The following NRXN1 variants were observed in gnomAD, a reference collection of about 807,000 sequenced individuals.
The protein encoded by NRXN1 is neurexin-1.
NRXN1 carries 39 observed loss-of-function variants against 150.9 expected under a neutral mutation model. That is an observed-to-expected ratio of 0.26 (90% CI 0.20 to 0.34). The LOEUF (loss-of-function observed/expected upper bound fraction) is 0.34, where lower values mean the gene tolerates loss of function less well. Ranked by LOEUF, NRXN1 falls within the 10% of genes least tolerant of loss-of-function variation. The pLI, the probability that NRXN1 is intolerant of heterozygous loss-of-function variation, is 1.00. For synonymous variants in NRXN1, 924 were observed against 757.0 expected, an observed-to-expected ratio of 1.22 and a Z score of -3.62; for missense variants, 1,815 against 1,949.9, an observed-to-expected ratio of 0.93 and a Z score of 1.30.
At chr2:50,641,213 G>A (rs562476301) in intron 5 of NRXN1, among the ~76,000 whole-genome samples, 20 of 152,198 alleles carry the variant, frequency 1.3e-4, no homozygotes, top group African/African-American at 4.6e-4. Context: ...GCCAAATGTT[G>A]ACTAAAAGCC....
chr2:50,123,779 A>T (rs1183409377), intron 18 of NRXN1, among the ~76,000 whole-genome samples: 1 of 152,182 alleles, frequency 6.6e-6, no homozygotes, highest in African/African-American at 2.4e-5. Context: ...CTTGAACTCA[A>T]GATGATTTCA....
At chr2:50,620,223 G>C (rs764621842) in intron 7 of NRXN1, 40 bp from the exon 8 acceptor site, 2 of 1,595,372 alleles carry the variant, frequency 1.3e-6, no homozygotes, top group South Asian at 2.2e-5. Flanking sequence ...GCTATACTCA[G>C]ACCTAGATAC....
chr2:50,102,067 C>T (rs1211529741), intron 18 of NRXN1, among the ~76,000 whole-genome samples: 3 of 151,940 alleles, frequency 2.0e-5, no homozygotes, highest in Non-Finnish European at 4.4e-5. Context: ...AAAGAATCAG[C>T]AAAACTCTGT....
chr2:50,823,980 C>G (rs1374948248), intron 5 of NRXN1, among the ~76,000 whole-genome samples: 1 of 152,098 alleles, frequency 6.6e-6, no homozygotes, highest in African/African-American at 2.4e-5. Flanking sequence ...TCTCTTATCC[C>G]CAACAATGCC....
At chr2:50,703,163 T>G (rs1693988247) in intron 5 of NRXN1, among the ~76,000 whole-genome samples, 1 of 152,062 alleles carries the variant, frequency 6.6e-6, no homozygotes, top group Admixed American at 6.6e-5. Context: ...AAGCTAGATC[T>G]TCCTAAGGAC....
At chr2:50,628,686 G>C (rs1204199633) in intron 5 of NRXN1, among the ~76,000 whole-genome samples, 2 of 151,610 alleles carry the variant, frequency 1.3e-5, no homozygotes, top group East Asian at 3.9e-4. Context: ...TTAAATACAA[G>C]TCCCAAATAA....
At chr2:50,612,951 G>T (rs927869714) in intron 8 of NRXN1, among the ~76,000 whole-genome samples, 1 of 152,148 alleles carries the variant, frequency 6.6e-6, no homozygotes, top group African/African-American at 2.4e-5. Flanking sequence ...TTTAAGTACT[G>T]ACACTATTAC....
intron 2 of NRXN1, among the ~76,000 whole-genome samples, chr2:51,017,139 G>A (rs945996113): frequency 1.4e-4 from 21 of 151,916 alleles, no homozygotes; most frequent in Non-Finnish European, 2.6e-4. Context: ...ATCATTAGGA[G>A]AAATACCTAA....
At chr2:50,803,798 T>C (rs1667139637) in intron 5 of NRXN1, among the ~76,000 whole-genome samples, 1 of 152,140 alleles carries the variant, frequency 6.6e-6, no homozygotes, top group Admixed American at 6.5e-5. Context: ...GCAATTTCTT[T>C]TCTATGCTTA....
chr2:50,066,863 T>C (rs1395809914), intron 19 of NRXN1, among the ~76,000 whole-genome samples: 2 of 152,206 alleles, frequency 1.3e-5, no homozygotes, highest in Non-Finnish European at 2.9e-5. Flanking sequence ...ACTGCATGTA[T>C]GCACATTTCA....
At chr2:50,216,103 C>T (rs961365791) in intron 18 of NRXN1, among the ~76,000 whole-genome samples, 15 of 152,074 alleles carry the variant, frequency 9.9e-5, no homozygotes. Flanking sequence ...TGTCTGTAAT[C>T]CTAACACTTA....
intron 17 of NRXN1, among the ~76,000 whole-genome samples, chr2:50,269,566 A>G (rs2069310377): frequency 6.6e-6 from 1 of 152,224 alleles, no homozygotes; most frequent in Admixed American, 6.5e-5. Flanking sequence ...CATATCTCCA[A>G]TATTGTCATG....
Position 50,347,812 on chromosome 2 carries a change from T to G in NRXN1, c.3365-110842A>C, listed in dbSNP as rs1402432797. On this transcript the variant is annotated intron_variant, in intron 17 of 22. Transcript: ENST00000401669. This position sits in a 1 kb window ranked among gnomAD's most constrained non-coding sequence, Gnocchi z 4.9. ...AGGGGCTCTATGCAAATCTGCAGTC[T>G]CCAAACAGCAAATCACTGAAGCTCG... is the stretch of plus-strand genomic sequence containing the variant. 3 of 985,488 alleles carry G rather than the reference T, an allele frequency of 3.0e-6. No homozygotes were observed. 61.0% of individuals were successfully genotyped at this position (985,488 alleles called of 1,614,324 possible).
chr2:50,433,974 T>G (rs537069417), intron 17 of NRXN1, among the ~76,000 whole-genome samples: 6 of 151,674 alleles, frequency 4.0e-5, no homozygotes, highest in Admixed American at 6.6e-5. Context: ...TATGTTTCAC[T>G]TAGGTTCTGA....
At chr2:49,983,903 G>A (rs1000601864) in intron 21 of NRXN1, among the ~76,000 whole-genome samples, 28 of 152,136 alleles carry the variant, frequency 1.8e-4, no homozygotes, top group African/African-American at 6.5e-4. Flanking sequence ...TGGACACTGT[G>A]GCTCCTTCCT....
intron 2 of NRXN1, among the ~76,000 whole-genome samples, chr2:50,954,134 A>G (rs1404652036): frequency 1.3e-5 from 2 of 152,212 alleles, no homozygotes; most frequent in Non-Finnish European, 2.9e-5. Context: ...TCTGAGTAGA[A>G]ATAATACATA....
At chr2:50,541,711 CCACA>C (rs1281812443) in intron 9 of NRXN1, among the ~76,000 whole-genome samples, 1 of 151,072 alleles carries the variant, frequency 6.6e-6, no homozygotes, top group Non-Finnish European at 1.5e-5. Context: ...CCACCCACAC[CCACA>C]CACACACTCT....
At chr2:50,437,683 A>C (rs2085561518) in intron 17 of NRXN1, among the ~76,000 whole-genome samples, 1 of 150,896 alleles carries the variant, frequency 6.6e-6, no homozygotes, top group Non-Finnish European at 1.5e-5. Flanking sequence ...TAACTACTTC[A>C]TGATACAGGG....
chr2:50,763,689 T>C (rs187039129), intron 5 of NRXN1, among the ~76,000 whole-genome samples: 1 of 151,896 alleles, frequency 6.6e-6, no homozygotes, highest in Non-Finnish European at 1.5e-5. Context: ...TGGCAGAGTA[T>C]TCCACTTTTG....
Sources: allele counts gnomAD v4.1 joint callset (sites outside exome capture counted in the v4.1 genomes callset), GRCh38; gene constraint gnomAD v4.1.1; non-coding constraint Gnocchi (gnomAD v3.1); transcripts MANE v1.5; gene names NCBI Gene and HGNC (gene_info 2026-07-23, HGNC 2026-07-21).